LAPTM4A: variants seen among roughly 807,000 people sequenced by gnomAD.
LAPTM4A encodes lysosomal-associated transmembrane protein 4A.
In LAPTM4A, 19 loss-of-function variants were observed where a neutral mutation model predicts 29.9. That is an observed-to-expected ratio of 0.64 (90% CI 0.44 to 0.93). LAPTM4A has a LOEUF of 0.93. Ranked by LOEUF, LAPTM4A falls within the 40% of genes least tolerant of loss-of-function variation. The pLI, the probability that LAPTM4A is intolerant of heterozygous loss-of-function variation, is 0.00. For synonymous variants in LAPTM4A, 105 were observed against 102.1 expected (o/e 1.03, Z -0.17); for missense variants, 293 against 288.5 (o/e 1.02, Z -0.11).
chr2:20,048,963 C>A (rs567247181), intron 1 of LAPTM4A, among the ~76,000 whole-genome samples: 1 of 152,326 alleles, frequency 6.6e-6, no homozygotes, highest in East Asian at 1.9e-4. Flanking sequence ...GGTATTCAAG[C>A]TACTCTTTTG....
intron 1 of LAPTM4A, among the ~76,000 whole-genome samples, chr2:20,046,781 T>G (rs949190937): frequency 4.1e-5 from 6 of 145,316 alleles, no homozygotes; most frequent in Non-Finnish European, 9.0e-5. Context: ...AATATATAAA[T>G]ATATATATAA....
Position 20,051,600 on chromosome 2 carries a change from CG to C in LAPTM4A, c.-81del, listed in dbSNP as rs1674077103. On this transcript the variant is annotated 5_prime_UTR_variant, in exon 1 of 7. Transcript: ENST00000175091. ...CAGCCAAACTCAAACGGCTGTTTCA[CG>C]GCCTCCAAAACCCAACGACGCGTCT... 1.1e-6 allele frequency: 1 copy of C among 935,586 alleles called. No homozygotes were observed. Among genetic ancestry groups the C allele is most frequent in the Admixed American group, 2.3e-5 (1 of 43,896 alleles). 58.0% of individuals were successfully genotyped at this position (935,586 alleles called of 1,614,324 possible).
chr2:20,037,316 T>A lies in LAPTM4A; in HGVS notation c.432A>T (p.Leu144=). 1 of 1,607,088 alleles carries A rather than the reference T, an allele frequency of 6.2e-7. No homozygotes were observed. The highest frequency in any genetic ancestry group is 8.5e-7 in the Non-Finnish European group (1 of 1,176,986). Residue 144 remains leucine (L), a splice_region_variant and synonymous_variant, in exon 4 of 7, where the codon CTA becomes CTT. Transcript: ENST00000175091. ...AAGTTTAATGAGCATACACACTTAC[T>A]AGTTGATCCAGATATTCTTTGATTC... is the stretch of plus-strand genomic sequence containing the variant. The part of the protein sequence containing the change: ...LPRIKEYLDQ[L]PDFPYKDDLL...
chr2:20,040,176 C>T (rs1237531685), intron 2 of LAPTM4A, among the ~76,000 whole-genome samples: 1 of 152,052 alleles, frequency 6.6e-6, no homozygotes, highest in Admixed American at 6.5e-5. Context: ...TTTGGAGGGA[C>T]ACATATATTG....
chr2:20,049,942 T>C (rs552284988), intron 1 of LAPTM4A, among the ~76,000 whole-genome samples: 7 of 152,108 alleles, frequency 4.6e-5, no homozygotes, highest in African/African-American at 1.7e-4. Context: ...CTCAGCAAAA[T>C]GGAGAAGCTA....
intron 1 of LAPTM4A, 59 bp from the exon 2 acceptor site, chr2:20,041,070 C>G: frequency 6.5e-7 from 1 of 1,546,238 alleles, no homozygotes; most frequent in Non-Finnish European, 8.9e-7. Flanking sequence ...AATCTTAGCA[C>G]AATCTCTAGA....
At chr2:20,036,125 T>C (rs1673671182) in intron 4 of LAPTM4A, among the ~76,000 whole-genome samples, 1 of 152,044 alleles carries the variant, frequency 6.6e-6, no homozygotes, top group African/African-American at 2.4e-5. Context: ...ACTTGAAATT[T>C]CTCCCCCGGA....
chr2:20,046,753 TA>T (rs978035832), intron 1 of LAPTM4A, among the ~76,000 whole-genome samples: 4 of 133,028 alleles, frequency 3.0e-5, no homozygotes, highest in African/African-American at 7.8e-5. Context: ...ATATATTATA[TA>T]AATATATATA....
At chr2:20,041,956 G>A (rs1242385518) in intron 1 of LAPTM4A, among the ~76,000 whole-genome samples, 8 of 152,168 alleles carry the variant, frequency 5.3e-5, no homozygotes, top group Non-Finnish European at 1.0e-4. Context: ...CCATTCCTCT[G>A]ACTAGCATGT....
intron 1 of LAPTM4A, 49 bp downstream of exon 1, chr2:20,051,361 C>T (rs770108796): frequency 1.6e-6 from 2 of 1,247,528 alleles, no homozygotes; most frequent in African/African-American, 3.0e-5. Context: ...CGCACCAGGC[C>T]CCGCTCCCCA....
intron 6 of LAPTM4A, among the ~76,000 whole-genome samples, 177 bp from the exon 7 acceptor site, chr2:20,033,456 C>G (rs1673616427): frequency 6.6e-6 from 1 of 152,014 alleles, no homozygotes; most frequent in Non-Finnish European, 1.5e-5. Context: ...GGAATTTTAC[C>G]AAGATTGCTA....
chr2:20,043,930 C>A (rs113647985), intron 1 of LAPTM4A, among the ~76,000 whole-genome samples: 1 of 152,172 alleles, frequency 6.6e-6, no homozygotes, highest in Non-Finnish European at 1.5e-5. Context: ...CTCAGCACTA[C>A]GTGATTATTA....
At chr2:20,039,306 T>C (rs1204526860) in intron 2 of LAPTM4A, among the ~76,000 whole-genome samples, 3 of 152,228 alleles carry the variant, frequency 2.0e-5, no homozygotes, top group African/African-American at 7.2e-5. Context: ...TCTTAGAGGA[T>C]ACAGGATTGA....
intron 5 of LAPTM4A, 114 bp from the exon 6 acceptor site, chr2:20,034,529 G>T: frequency 1.3e-6 from 1 of 751,810 alleles, no homozygotes; most frequent in Non-Finnish European, 2.4e-6. Context: ...GAAGGGAGCT[G>T]ACCTCTGTGT....
chr2:20,047,746 AT>A (rs1215558213), intron 1 of LAPTM4A, among the ~76,000 whole-genome samples: 1 of 151,204 alleles, frequency 6.6e-6, no homozygotes, highest in African/African-American at 2.4e-5. Context: ...TGAGCTAACC[AT>A]TAAATTATCT....
Position 20,034,366 on chromosome 2 carries a change from C to G in LAPTM4A, c.578G>C (p.Arg193Pro). The G allele has an allele frequency of 6.2e-7, 1 of 1,614,050 alleles. No homozygotes were observed. The highest frequency in any genetic ancestry group is 8.5e-7 in the Non-Finnish European group (1 of 1,179,938). The change falls in exon 6 of 7, where the codon CGA (arginine) becomes CCA (proline). Residue 193 changes from arginine to proline, a missense_variant. Coordinates refer to ENST00000175091, the MANE Select transcript of LAPTM4A (RefSeq NM_014713.5). ...GTACACAGCAATCTCCGGCACGTTT[C>G]GGTTGTTGATGTATTTATAGCAGTT... is the stretch of plus-strand genomic sequence containing the variant. ...VWNCYKYINN[R>P]NVPEIAVYPA... is the part of the protein sequence containing the mutation.
chr2:20,033,205 T>G lies in LAPTM4A; in HGVS notation c.702A>C (p.Ter234CysextTer31). The change falls in exon 7 of 7, where the codon TGA becomes TGC. Residue 234 changes from the stop codon to cysteine, a stop_lost. Transcript: ENST00000175091. ...KEPPPPYLPA[*>C] ...ATTTATTGTCAAAGGCAGAATTTCT[T>G]CAGGCAGGTAAGTAAGGAGGTGGTG... is the stretch of plus-strand genomic sequence containing the variant. 9.3e-6 allele frequency: 15 copies of G among 1,613,584 alleles called. No homozygotes were observed. Among genetic ancestry groups the G allele is most frequent in the Non-Finnish European group, 1.3e-5 (15 of 1,179,472 alleles).
chr2:20,042,297 A>G (rs1673817709), intron 1 of LAPTM4A, among the ~76,000 whole-genome samples: 1 of 152,222 alleles, frequency 6.6e-6, no homozygotes, highest in African/African-American at 2.4e-5. Context: ...TGAATATCAC[A>G]TGAGAGTAAC....
chr2:20,047,497 T>A (rs1256923414), intron 1 of LAPTM4A, among the ~76,000 whole-genome samples: 2 of 145,178 alleles, frequency 1.4e-5, no homozygotes, highest in Admixed American at 1.4e-4. Context: ...GAGACCATCC[T>A]GGCTAACAAG....
Sources: gnomAD v4.1 joint callset for allele counts (sites outside exome capture counted in the v4.1 genomes callset) on GRCh38, gnomAD v4.1.1 for gene constraint, MANE v1.5 for transcripts, NCBI Gene and HGNC (gene_info 2026-07-23, HGNC 2026-07-21) for gene names.